The following CLSTN2 variants were observed in gnomAD, a reference collection of about 807,000 sequenced individuals.
CLSTN2 encodes the protein calsyntenin 2.
In CLSTN2, 48 loss-of-function variants were observed where a neutral mutation model predicts 101.2. The observed-to-expected ratio is 0.47, with a 90% CI of 0.38 to 0.60. The LOEUF is 0.60. CLSTN2 is among the 20% of genes least tolerant of loss of function. The probability of loss-of-function intolerance (pLI) is 0.00; values close to 1 mark genes in which losing one functional copy is unlikely to be tolerated. For missense variants in CLSTN2, 1,160 were observed against 1,238.2 expected (o/e 0.94, Z 0.95); for synonymous variants, 481 against 463.6 (o/e 1.04, Z -0.48).
At chr3:140,090,840 C>T (rs2008769132) in intron 1 of CLSTN2, among the ~76,000 whole-genome samples, 1 of 151,896 alleles carries the variant, frequency 6.6e-6, no homozygotes, top group Non-Finnish European at 1.5e-5. Context: ...TGTACGGGGG[C>T]AGGAAAGGGT....
intron 1 of CLSTN2, among the ~76,000 whole-genome samples, chr3:140,020,403 A>T (rs964762996): frequency 1.2e-4 from 18 of 152,268 alleles, no homozygotes; most frequent in African/African-American, 4.1e-4. Flanking sequence ...CTGCATGCTC[A>T]CATATGCCTT....
chr3:140,181,679 C>T (rs375651565), intron 2 of CLSTN2, among the ~76,000 whole-genome samples: 1 of 146,132 alleles, frequency 6.8e-6, no homozygotes. Flanking sequence ...GATACAGTTT[C>T]AGACTGTTGC....
At chr3:140,010,537 C>T (rs2007051278) in intron 1 of CLSTN2, among the ~76,000 whole-genome samples, 1 of 152,172 alleles carries the variant, frequency 6.6e-6, no homozygotes, top group South Asian at 2.1e-4. Context: ...TTGCTCTTTC[C>T]TGATAATTCC....
chr3:140,497,753 G>A (rs1047264408), intron 8 of CLSTN2, among the ~76,000 whole-genome samples: 2 of 152,212 alleles, frequency 1.3e-5, no homozygotes, highest in Admixed American at 6.5e-5. Flanking sequence ...GTCTCTGAGT[G>A]AGCCTGAGTG....
At chr3:140,003,639 A>G (rs1450271949) in intron 1 of CLSTN2, among the ~76,000 whole-genome samples, 4 of 151,732 alleles carry the variant, frequency 2.6e-5, no homozygotes, top group Non-Finnish European at 2.9e-5. Flanking sequence ...TTTTTTTTCC[A>G]TTCAGTATGA....
At chr3:139,986,074 G>C (rs1442937783) in intron 1 of CLSTN2, among the ~76,000 whole-genome samples, 1 of 152,056 alleles carries the variant, frequency 6.6e-6, no homozygotes, top group African/African-American at 2.4e-5. Flanking sequence ...AAGCTCTTTA[G>C]CATCTCTTTC....
chr3:140,377,942 A>G (rs916408320), intron 2 of CLSTN2, among the ~76,000 whole-genome samples: 5 of 152,154 alleles, frequency 3.3e-5, no homozygotes, highest in Admixed American at 6.5e-5. Context: ...GTACAGGTTT[A>G]CCACTTTAAA....
chr3:139,939,581 C>A (rs1322430609), intron 1 of CLSTN2, among the ~76,000 whole-genome samples: 4 of 152,180 alleles, frequency 2.6e-5, no homozygotes. Flanking sequence ...AAAGGGCATG[C>A]AGGTGAGGTG....
chr3:140,444,398 C>G (rs1933029973), intron 5 of CLSTN2, among the ~76,000 whole-genome samples: 1 of 151,056 alleles, frequency 6.6e-6, no homozygotes, highest in East Asian at 1.9e-4. Flanking sequence ...CCATTGCACT[C>G]CAGCCTGGGT....
chr3:140,433,128 A>C (rs2088651978), intron 5 of CLSTN2, among the ~76,000 whole-genome samples: 1 of 152,220 alleles, frequency 6.6e-6, no homozygotes, highest in Non-Finnish European at 1.5e-5. Flanking sequence ...ATTGGAGGAA[A>C]GCTATTTGGG....
At chr3:140,277,596 C>A (rs1285504516) in intron 2 of CLSTN2, among the ~76,000 whole-genome samples, 1 of 152,186 alleles carries the variant, frequency 6.6e-6, no homozygotes, top group Non-Finnish European at 1.5e-5. Flanking sequence ...TTCTGCACTG[C>A]ATGCTGCATA....
At chr3:140,495,977 A>G (rs1040909574) in intron 8 of CLSTN2, among the ~76,000 whole-genome samples, 1 of 152,142 alleles carries the variant, frequency 6.6e-6, no homozygotes, top group African/African-American at 2.4e-5. Flanking sequence ...GAATTTTAAA[A>G]TACTTTCTTC....
intron 3 of CLSTN2, 35 bp from the exon 4 acceptor site, chr3:140,404,523 T>C (rs1390445789): frequency 2.5e-6 from 4 of 1,601,850 alleles, no homozygotes; most frequent in Admixed American, 1.7e-5. Flanking sequence ...ACTCTTTCTT[T>C]ACCACCATCC....
At chr3:139,946,862 A>G (rs757433223) in intron 1 of CLSTN2, among the ~76,000 whole-genome samples, 2 of 152,350 alleles carry the variant, frequency 1.3e-5, no homozygotes, top group South Asian at 4.1e-4. Context: ...GGAGATAACT[A>G]TGCACCCAGA....
chr3:140,327,877 ATTTG>A (rs1177010607), intron 2 of CLSTN2, among the ~76,000 whole-genome samples: 5 of 152,214 alleles, frequency 3.3e-5, no homozygotes, highest in Non-Finnish European at 5.9e-5. Flanking sequence ...CGATAGGTAC[ATTTG>A]TTTAATGAAA....
chr3:139,952,526 T>A (rs558437084), intron 1 of CLSTN2, among the ~76,000 whole-genome samples: 41 of 152,232 alleles, frequency 2.7e-4, no homozygotes, highest in African/African-American at 9.9e-4. Flanking sequence ...TGTGGGGAAT[T>A]TTTATCCTGA....
At chr3:140,193,561 C>G (rs1228279754) in intron 2 of CLSTN2, among the ~76,000 whole-genome samples, 1 of 151,792 alleles carries the variant, frequency 6.6e-6, no homozygotes, top group Admixed American at 6.6e-5. Context: ...AGGTACCATT[C>G]TGGTTGATTT....
chr3:140,440,162 C>T (rs1005986952), intron 5 of CLSTN2, among the ~76,000 whole-genome samples: 8 of 152,038 alleles, frequency 5.3e-5, no homozygotes, highest in Non-Finnish European at 1.0e-4. Context: ...TGAGGTGGGA[C>T]CTGGATGAAG....
chr3:140,085,109 GCA>G (rs1435088172), intron 1 of CLSTN2, among the ~76,000 whole-genome samples: 1 of 152,174 alleles, frequency 6.6e-6, no homozygotes, highest in African/African-American at 2.4e-5. Flanking sequence ...CTCTCCACCA[GCA>G]CAGTTAATTG....
Sources: allele counts gnomAD v4.1 joint callset (sites outside exome capture counted in the v4.1 genomes callset), GRCh38; gene constraint gnomAD v4.1.1; transcripts MANE v1.5; gene names NCBI Gene and HGNC (gene_info 2026-07-23, HGNC 2026-07-21).